RSU1: variants seen among roughly 807,000 people sequenced by gnomAD.
RSU1 encodes the protein rsu-1.
In RSU1, 26 loss-of-function variants were observed where a neutral mutation model predicts 31.1. That is an observed-to-expected ratio of 0.84 (90% CI 0.61 to 1.16). RSU1 has a LOEUF of 1.16. Ranked by LOEUF, RSU1 falls within the 50% of genes most tolerant of loss-of-function variation. The pLI, the probability that RSU1 is intolerant of heterozygous loss-of-function variation, is 0.00. For synonymous variants in RSU1, 164 were observed against 136.3 expected (o/e 1.20, Z -1.41); for missense variants, 320 against 339.1 (o/e 0.94, Z 0.44).
At chr10:16,640,284 C>T (rs1034925759) in intron 8 of RSU1, among the ~76,000 whole-genome samples, 1 of 152,058 alleles carries the variant, frequency 6.6e-6, no homozygotes, top group African/African-American at 2.4e-5. Flanking sequence ...TTCACACCTC[C>T]TCTTATCTAA....
At chr10:16,628,985 T>C (rs996901426) in intron 8 of RSU1, among the ~76,000 whole-genome samples, 1 of 152,202 alleles carries the variant, frequency 6.6e-6, no homozygotes. Context: ...CCCTCCTCAC[T>C]GTCCTCCATT....
chr10:16,748,888 T>C (rs905789415), intron 7 of RSU1, among the ~76,000 whole-genome samples: 1 of 152,054 alleles, frequency 6.6e-6, no homozygotes, highest in Non-Finnish European at 1.5e-5. Context: ...GAGCTCTTAA[T>C]ACCACATATC....
chr10:16,809,340 C>T (rs1838351074), intron 2 of RSU1, among the ~76,000 whole-genome samples: 1 of 152,194 alleles, frequency 6.6e-6, no homozygotes, highest in African/African-American at 2.4e-5. Context: ...CGTGAGATTT[C>T]TTTCACTGTG....
At chr10:16,718,220 C>T (rs1177770209) in intron 7 of RSU1, among the ~76,000 whole-genome samples, 2 of 152,068 alleles carry the variant, frequency 1.3e-5, no homozygotes, top group African/African-American at 4.8e-5. Flanking sequence ...ATTTTCCATA[C>T]CCAAATTCCA....
intron 2 of RSU1, among the ~76,000 whole-genome samples, chr10:16,792,522 C>T (rs552933312): frequency 2.0e-5 from 3 of 152,214 alleles, no homozygotes; most frequent in East Asian, 1.9e-4. Context: ...TGAGCCACTG[C>T]GCCCGGCCAG....
chr10:16,719,120 C>T (rs1053878461), intron 7 of RSU1, among the ~76,000 whole-genome samples: 6 of 152,022 alleles, frequency 3.9e-5, no homozygotes, highest in Admixed American at 2.6e-4. Context: ...CAAGCCTCGG[C>T]AACACAGTGA....
intron 8 of RSU1, among the ~76,000 whole-genome samples, chr10:16,678,242 T>C (rs1199390234): frequency 6.6e-6 from 1 of 152,224 alleles, no homozygotes; most frequent in Non-Finnish European, 1.5e-5. Flanking sequence ...TCTTCATGAA[T>C]GACCATCTTT....
At chr10:16,672,623 T>TA (rs397847160) in intron 8 of RSU1, among the ~76,000 whole-genome samples, 2 of 152,006 alleles carry the variant, frequency 1.3e-5, no homozygotes, top group African/African-American at 4.8e-5. Context: ...TGTTTTTTTT[T>TA]AAATAGAGTA....
At chr10:16,710,045 C>T (rs1271764982) in intron 7 of RSU1, among the ~76,000 whole-genome samples, 1 of 152,128 alleles carries the variant, frequency 6.6e-6, no homozygotes, top group Non-Finnish European at 1.5e-5. Context: ...GCTAGGACTT[C>T]CAGTACTATG....
intron 8 of RSU1, among the ~76,000 whole-genome samples, chr10:16,673,287 T>A (rs762108229): frequency 6.6e-6 from 1 of 152,226 alleles, no homozygotes; most frequent in Admixed American, 6.5e-5. Flanking sequence ...CTCTTTTGTA[T>A]AGCATGCAGC....
intron 8 of RSU1, among the ~76,000 whole-genome samples, chr10:16,685,103 A>C (rs1835416103): frequency 1.3e-5 from 2 of 152,122 alleles, no homozygotes; most frequent in African/African-American, 4.8e-5. Flanking sequence ...CAAAAAAATT[A>C]GCTGGGCATG....
At chr10:16,801,131 T>C (rs867559786) in intron 2 of RSU1, among the ~76,000 whole-genome samples, 18 of 150,768 alleles carry the variant, frequency 1.2e-4, no homozygotes, top group African/African-American at 3.6e-4. Context: ...ATATGTTATC[T>C]ATGAGAAATC....
In RSU1 at chr10:16,610,682, ATATT is replaced by A. The variant is rs370505454; in HGVS notation, c.732-17190_732-17187del. Among the ~76,000 whole-genome samples, 198 of 152,314 alleles carry A rather than the reference ATATT, an allele frequency of 1.3e-3. 2 individuals are homozygous for A. The highest frequency in any genetic ancestry group is 4.6e-3 in the African/African-American group (193 of 41,560). ...CTGATTGTGTATTATGGTGTACTGT[ATATT>A]TATTTCATTATACATTACAATGTAA... On this transcript the variant is annotated intron_variant, in intron 8 of 8. Coordinates refer to ENST00000345264, the MANE Select transcript of RSU1 (RefSeq NM_012425.4).
At chr10:16,623,810 A>G (rs1834112326) in intron 8 of RSU1, among the ~76,000 whole-genome samples, 1 of 152,162 alleles carries the variant, frequency 6.6e-6, no homozygotes, top group South Asian at 2.1e-4. Context: ...TTGGCCCCTC[A>G]TTACAACTTA....
chr10:16,764,345 T>C (rs1837269562), intron 4 of RSU1, 45 bp downstream of exon 4: 2 of 1,571,646 alleles, frequency 1.3e-6, no homozygotes, highest in East Asian at 4.6e-5. Flanking sequence ...GGCATGCCCC[T>C]TCCACTCTCT....
chr10:16,815,007 T>C (rs576218566), intron 2 of RSU1, among the ~76,000 whole-genome samples: 146 of 152,324 alleles, frequency 9.6e-4, no homozygotes, highest in South Asian at 4.8e-3. Context: ...TGAGAATGAG[T>C]GCTGTAGGGA....
chr10:16,628,700 CT>C lies in RSU1; in HGVS notation c.732-35205del, dbSNP rs767548796. On this transcript the variant is annotated intron_variant, in intron 8 of 8. Coordinates refer to ENST00000345264, the MANE Select transcript of RSU1 (RefSeq NM_012425.4). ...GTAGTTGTTTTATAAGAAATGTGAA[CT>C]TACAGGGAAAAAATATGGGGCAAAG... Among the ~76,000 whole-genome samples, 163 of 152,258 alleles carry C rather than the reference CT, an allele frequency of 1.1e-3. No homozygotes were observed. In the Middle Eastern group the frequency reaches 0.021, roughly 19 times the overall value.
chr10:16,805,828 T>C (rs539752768), intron 2 of RSU1, among the ~76,000 whole-genome samples: 1 of 152,154 alleles, frequency 6.6e-6, no homozygotes, highest in East Asian at 1.9e-4. Flanking sequence ...AATTCTATCA[T>C]CACCCATATC....
At chr10:16,797,655 TACA>T (rs553019455) in intron 2 of RSU1, among the ~76,000 whole-genome samples, 52 of 152,000 alleles carry the variant, frequency 3.4e-4, no homozygotes, top group African/African-American at 1.1e-3. Flanking sequence ...AAAAAGCCAT[TACA>T]ACAATGATAC....
Sources: gnomAD v4.1 joint callset for allele counts (sites outside exome capture counted in the v4.1 genomes callset) on GRCh38, gnomAD v4.1.1 for gene constraint, MANE v1.5 for transcripts, NCBI Gene and HGNC (gene_info 2026-07-23, HGNC 2026-07-21) for gene names.